Variants in SIRPG observed in about 807,000 individuals in gnomAD.
The protein encoded by SIRPG is signal-regulatory protein gamma.
SIRPG carries 38 observed loss-of-function variants against 35.7 expected under a neutral mutation model. That is an observed-to-expected ratio of 1.06 (90% CI 0.82 to 1.40). The LOEUF is 1.40. Among genes scored for constraint, SIRPG ranks in the 40% most tolerant of loss-of-function variants. SIRPG has a pLI of 0.00. For synonymous variants in SIRPG, 215 were observed against 190.4 expected (o/e 1.13, Z -1.06); for missense variants, 519 against 483.0 (o/e 1.07, Z -0.70).
chr20:1,680,308 A>G, the SIRPG span, among the ~76,000 whole-genome samples: 1 of 152,172 alleles, frequency 6.6e-6, no homozygotes, highest in Non-Finnish European at 1.5e-5. Context: ...ATATTCCATT[A>G]AAACAACAAA....
At chr20:1,685,783 TC>T in the SIRPG span, among the ~76,000 whole-genome samples, 1 of 152,072 alleles carries the variant, frequency 6.6e-6, no homozygotes, top group Non-Finnish European at 1.5e-5. Context: ...TGGCTGAACA[TC>T]CCCGGGAAAC....
chr20:1,639,732 T>C (rs2091836402), intron 2 of SIRPG, among the ~76,000 whole-genome samples: 1 of 152,254 alleles, frequency 6.6e-6, no homozygotes, highest in African/African-American at 2.4e-5. Flanking sequence ...TAGGTTTTCT[T>C]CTAGGGTTTT....
chr20:1,654,348 A>G (rs2091962282), intron 1 of SIRPG, among the ~76,000 whole-genome samples: 1 of 152,192 alleles, frequency 6.6e-6, no homozygotes, highest in Non-Finnish European at 1.5e-5. Flanking sequence ...AAAGAGATAT[A>G]TAGACCAATG....
intron 2 of SIRPG, 140 bp from the exon 3 acceptor site, chr20:1,636,645 C>CA: frequency 9.6e-7 from 1 of 1,039,290 alleles, no homozygotes; most frequent in Non-Finnish European, 1.4e-6. Flanking sequence ...TTCTTATTCT[C>CA]ATTTTACAGA....
chr20:1,638,267 A>T (rs2091820443), intron 2 of SIRPG: 1 of 152,234 alleles, frequency 6.6e-6, no homozygotes, highest in East Asian at 1.9e-4. Context: ...AAAAGTGGAT[A>T]AAAAACCCAC....
At chr20:1,677,339 T>C in the SIRPG span, among the ~76,000 whole-genome samples, 2 of 152,208 alleles carry the variant, frequency 1.3e-5, no homozygotes, top group African/African-American at 4.8e-5. Flanking sequence ...ACTGAGGTCA[T>C]GTAACTGCTT....
the SIRPG span, among the ~76,000 whole-genome samples, chr20:1,670,665 T>G: frequency 2.6e-5 from 4 of 152,136 alleles, no homozygotes; most frequent in African/African-American, 9.7e-5. Context: ...AAGCTATCTA[T>G]CTATCTAGCA....
chr20:1,675,073 C>T, the SIRPG span, among the ~76,000 whole-genome samples: 2 of 152,190 alleles, frequency 1.3e-5, no homozygotes, highest in Non-Finnish European at 2.9e-5. Context: ...AAGCCTCCCT[C>T]CTGGGTGCCC....
the SIRPG span, among the ~76,000 whole-genome samples, chr20:1,683,140 TA>T: frequency 2.0e-4 from 30 of 152,242 alleles, no homozygotes; most frequent in African/African-American, 7.0e-4. Flanking sequence ...AGCAGGCATA[TA>T]AAAAATACCC....
intron 1 of SIRPG, among the ~76,000 whole-genome samples, chr20:1,653,582 T>C (rs2091956193): frequency 6.6e-6 from 1 of 152,144 alleles, no homozygotes; most frequent in Non-Finnish European, 1.5e-5. Flanking sequence ...TCTACCTTCA[T>C]GGAAGAGGGA....
Position 1,657,662 on chromosome 20 carries a change from G to A in SIRPG, c.53C>T (p.Thr18Ile). Residue 18 changes from threonine (T) to isoleucine (I), a missense_variant, in exon 1 of 6, where the codon ACT becomes ATT. Transcript: ENST00000303415. ...CTCACCTGTAAGTCCCAGCAGTAGAGTCAGAAGCAGGAAAGGACCAGGAGG... is the reference window on the plus strand; with the variant it reads ...CTCACCTGTAAGTCCCAGCAGTAGAATCAGAAGCAGGAAAGGACCAGGAGG... Reference protein sequence around the residue: ...PHPPGPFLLLTLLLGLTEVAG... With the variant: ...PHPPGPFLLLILLLGLTEVAG... The A allele has an allele frequency of 6.2e-7, 1 of 1,614,214 alleles. No homozygotes were observed. The highest frequency in any genetic ancestry group is 8.5e-7 in the Non-Finnish European group (1 of 1,180,028).
At chr20:1,660,481 A>G (rs1366187553), upstream of SIRPG, among the ~76,000 whole-genome samples, 1 of 152,210 alleles carries the variant, frequency 6.6e-6, no homozygotes, top group Admixed American at 6.5e-5. Flanking sequence ...TCCAAAAATA[A>G]GAATTGGGCG....
intron 5 of SIRPG, 132 bp downstream of exon 5, chr20:1,630,090 C>T: frequency 1.4e-6 from 1 of 699,776 alleles, no homozygotes; most frequent in Non-Finnish European, 2.5e-6. Context: ...AAGGGTTCCC[C>T]AAGACTTCCG....
the SIRPG span, chr20:1,670,161 A>G: frequency 7.6e-6 from 2 of 262,276 alleles, no homozygotes; most frequent in South Asian, 1.1e-4. Context: ...TTCTAGGGGT[A>G]GAAATTCTTC....
chr20:1,657,504 ATCT>A (rs2091982381), intron 1 of SIRPG, 135 bp downstream of exon 1: 2 of 838,886 alleles, frequency 2.4e-6, no homozygotes, highest in African/African-American at 1.7e-5. Context: ...CAGCTCCCTG[ATCT>A]TCTGCTCTTG....
At chr20:1,657,833 G>A, upstream of SIRPG, 1 of 891,926 alleles carries the variant, frequency 1.1e-6, no homozygotes, top group Non-Finnish European at 1.7e-6. Context: ...TGGCTATGAT[G>A]GAATGCAACA....
chr20:1,678,788 A>T, the SIRPG span, among the ~76,000 whole-genome samples: 2 of 152,180 alleles, frequency 1.3e-5, no homozygotes, highest in Admixed American at 6.5e-5. Context: ...GACACATTAT[A>T]ATCCAACTGT....
At chr20:1,664,718 G>A in the SIRPG span, among the ~76,000 whole-genome samples, 3 of 152,174 alleles carry the variant, frequency 2.0e-5, no homozygotes, top group Non-Finnish European at 4.4e-5. Context: ...TGTTTCCGGA[G>A]AGCCTGTTAT....
At chr20:1,685,805 T>C in the SIRPG span, among the ~76,000 whole-genome samples, 1 of 152,182 alleles carries the variant, frequency 6.6e-6, no homozygotes, top group African/African-American at 2.4e-5. Flanking sequence ...ATTGCTCCCC[T>C]GCCCAACTCA....
Sources: allele counts gnomAD v4.1 joint callset (sites outside exome capture counted in the v4.1 genomes callset), GRCh38; gene constraint gnomAD v4.1.1; transcripts MANE v1.5; gene names NCBI Gene and HGNC (gene_info 2026-07-23, HGNC 2026-07-21).